Variants in CNOT6 observed in about 807,000 individuals in gnomAD.
The protein encoded by CNOT6 is CCR4-NOT transcription complex subunit 6, also known as carbon catabolite repression 4 protein.
CNOT6 carries 12 observed loss-of-function variants against 61.2 expected under a neutral mutation model. The ratio of observed to expected loss-of-function variants is 0.20; its 90% CI spans 0.13 to 0.32. The LOEUF is 0.32. Among genes scored for constraint, CNOT6 ranks in the 10% least tolerant of loss-of-function variants. The pLI, the probability that CNOT6 is intolerant of heterozygous loss-of-function variation, is 1.00. For missense variants in CNOT6, 405 were observed against 663.9 expected, an observed-to-expected ratio of 0.61 and a Z score of 4.28; for synonymous variants, 225 against 240.6, an observed-to-expected ratio of 0.94 and a Z score of 0.60.
At chr5:180,535,489 C>A (rs1758636793) in intron 2 of CNOT6, among the ~76,000 whole-genome samples, 1 of 152,186 alleles carries the variant, frequency 6.6e-6, no homozygotes, top group South Asian at 2.1e-4. Context: ...GATATGCTTT[C>A]ATTCTTTTTT....
intron 2 of CNOT6, among the ~76,000 whole-genome samples, chr5:180,529,591 C>T (rs1758257346): frequency 6.6e-6 from 1 of 152,184 alleles, no homozygotes; most frequent in Non-Finnish European, 1.5e-5. Flanking sequence ...GTTCAAAAGC[C>T]ATTCATTGAA....
chr5:180,539,538 T>G (rs1258191212), intron 2 of CNOT6, among the ~76,000 whole-genome samples: 1 of 133,286 alleles, frequency 7.5e-6, no homozygotes, highest in African/African-American at 2.7e-5. Flanking sequence ...TTGACTTCAG[T>G]ACTTTTTCTG....
At chr5:180,545,549 T>C (rs1759273492) in intron 2 of CNOT6, among the ~76,000 whole-genome samples, 1 of 152,236 alleles carries the variant, frequency 6.6e-6, no homozygotes, top group African/African-American at 2.4e-5. Context: ...TGGTTTTTAG[T>C]AGTTCATTCT....
chr5:180,551,240 C>T (rs1759586546), intron 3 of CNOT6, among the ~76,000 whole-genome samples: 1 of 151,806 alleles, frequency 6.6e-6, no homozygotes, highest in Non-Finnish European at 1.5e-5. Context: ...ACCTGTAGTC[C>T]CTGCTACTTG....
intron 11 of CNOT6, among the ~76,000 whole-genome samples, chr5:180,572,870 A>C (rs1024383053): frequency 2.0e-5 from 3 of 152,092 alleles, no homozygotes; most frequent in Non-Finnish European, 4.4e-5. Context: ...TGCCCTTTTA[A>C]ACTACTTTTT....
At chr5:180,537,176 T>C (rs1758739850) in intron 2 of CNOT6, among the ~76,000 whole-genome samples, 1 of 152,226 alleles carries the variant, frequency 6.6e-6, no homozygotes, top group Non-Finnish European at 1.5e-5. Flanking sequence ...CAACGAGGCA[T>C]GATTGCTGAA....
At chr5:180,539,173 C>CAAAAAA (rs56032920) in intron 2 of CNOT6, among the ~76,000 whole-genome samples, 4 of 93,222 alleles carry the variant, frequency 4.3e-5, no homozygotes, top group Non-Finnish European at 5.9e-5. Context: ...GACTCCATCT[C>CAAAAAA]AAAAAAAAAA....
intron 1 of CNOT6, among the ~76,000 whole-genome samples, chr5:180,502,519 T>C (rs1056134832): frequency 2.6e-5 from 4 of 152,210 alleles, no homozygotes; most frequent in African/African-American, 9.7e-5. Flanking sequence ...TGCCCAAACT[T>C]TGGTTAAATA....
intron 1 of CNOT6, among the ~76,000 whole-genome samples, chr5:180,518,550 ACT>A (rs966677505): frequency 2.0e-5 from 3 of 151,976 alleles, no homozygotes; most frequent in African/African-American, 7.2e-5. Context: ...ACAAGGTCTC[ACT>A]CTGTCACCCA....
chr5:180,518,251 T>C lies in CNOT6; in HGVS notation c.-2-11024T>C, dbSNP rs115321308. On this transcript the variant is annotated intron_variant, in intron 1 of 11. Coordinates refer to ENST00000261951, the MANE Select transcript of CNOT6 (RefSeq NM_001370472.1). ...AGCTGGCTTCTGTATCATGTTGACATGATGACTCCATTAGACTTAGCTTTT... is the reference window on the plus strand; with the variant it reads ...AGCTGGCTTCTGTATCATGTTGACACGATGACTCCATTAGACTTAGCTTTT... Among the ~76,000 whole-genome samples, 1,086 of 152,302 alleles carry C rather than the reference T, an allele frequency of 7.1e-3. 16 individuals are homozygous for C. Among genetic ancestry groups the C allele is most frequent in the African/African-American group, 0.025 (1,030 of 41,556 alleles).
chr5:180,533,225 C>T (rs535457978), intron 2 of CNOT6, among the ~76,000 whole-genome samples: 2 of 150,968 alleles, frequency 1.3e-5, no homozygotes, highest in Admixed American at 6.6e-5. Context: ...AGGAGAAGGT[C>T]ATAGATCCTG....
chr5:180,557,470 C>G (rs1290710428), intron 4 of CNOT6, among the ~76,000 whole-genome samples: 1 of 152,156 alleles, frequency 6.6e-6, no homozygotes, highest in African/African-American at 2.4e-5. Flanking sequence ...TACATTTCCC[C>G]AATAAAGATA....
chr5:180,567,815 C>CT, intron 8 of CNOT6, 34 bp from the exon 9 acceptor site: 1 of 1,516,542 alleles, frequency 6.6e-7, no homozygotes. Context: ...ATTCCCAACT[C>CT]TGTGTGTGTG....
intron 1 of CNOT6, among the ~76,000 whole-genome samples, chr5:180,497,308 C>G (rs905070700): frequency 7.8e-6 from 1 of 128,688 alleles, no homozygotes; most frequent in Non-Finnish European, 1.6e-5. Flanking sequence ...CCCTGGGCAA[C>G]GAGTGAAACT....
rs540756165 is a variant in CNOT6 at position 180,562,991 on chromosome 5, A to G, written c.386-1498A>G. Among the ~76,000 whole-genome samples the G allele has an allele frequency of 3.3e-5, 5 of 152,328 alleles. No homozygotes were observed. In the East Asian group the frequency reaches 7.7e-4, roughly 24 times the overall value. Reference sequence around the variant, plus strand: ...GTACTCTTGTAATTGCCTTCCTGCAAATACCTACTTTGCACTTAGAGCAGC... The same window carrying G: ...GTACTCTTGTAATTGCCTTCCTGCAGATACCTACTTTGCACTTAGAGCAGC... On this transcript the variant is annotated intron_variant, in intron 4 of 11. Transcript: ENST00000261951.
At chr5:180,518,523 G>A (rs1757747929) in intron 1 of CNOT6, among the ~76,000 whole-genome samples, 1 of 151,714 alleles carries the variant, frequency 6.6e-6, no homozygotes, top group Non-Finnish European at 1.5e-5. Flanking sequence ...GGAGGGAGTT[G>A]ATGGGGGAAG....
At chr5:180,513,598 TC>T (rs1266403642) in intron 1 of CNOT6, among the ~76,000 whole-genome samples, 1 of 151,726 alleles carries the variant, frequency 6.6e-6, no homozygotes. Context: ...GGTCTTGAAC[TC>T]CTGACCTCGT....
At chr5:180,531,032 C>T (rs1037878980) in intron 2 of CNOT6, among the ~76,000 whole-genome samples, 13 of 147,752 alleles carry the variant, frequency 8.8e-5, no homozygotes, top group African/African-American at 2.5e-4. Flanking sequence ...CTTTTCTATT[C>T]GACAAAACCG....
chr5:180,500,175 C>G (rs372268904), intron 1 of CNOT6, among the ~76,000 whole-genome samples: 1 of 151,666 alleles, frequency 6.6e-6, no homozygotes. Context: ...TCTGTGTCAC[C>G]CAGGCTGGAG....
Sources: allele counts gnomAD v4.1 joint callset (sites outside exome capture counted in the v4.1 genomes callset), GRCh38; gene constraint gnomAD v4.1.1; transcripts MANE v1.5; gene names NCBI Gene and HGNC (gene_info 2026-07-23, HGNC 2026-07-21).